IL15: variants seen among roughly 807,000 people sequenced by gnomAD.
The protein encoded by IL15 is interleukin-15.
In IL15, 11 loss-of-function variants were observed where a neutral mutation model predicts 19.6. That is an observed-to-expected ratio of 0.56 (90% CI 0.35 to 0.93). The LOEUF (loss-of-function observed/expected upper bound fraction) is 0.93. IL15 is among the 40% of genes least tolerant of loss of function. The probability of loss-of-function intolerance (pLI) is 0.01; values close to 1 mark genes in which losing one functional copy is unlikely to be tolerated. For synonymous variants in IL15, 58 were observed against 59.6 expected (o/e 0.97, Z 0.12); for missense variants, 197 against 186.5 (o/e 1.06, Z -0.33).
At chr4:141,702,772 G>A (rs1206996779) in intron 2 of IL15, among the ~76,000 whole-genome samples, 2 of 152,188 alleles carry the variant, frequency 1.3e-5, no homozygotes, top group Non-Finnish European at 2.9e-5. Context: ...GTTGCCCAGG[G>A]GAATTATTCT....
intron 2 of IL15, among the ~76,000 whole-genome samples, chr4:141,674,384 C>T (rs79887045): frequency 0.024 from 3,669 of 152,048 alleles, 153 homozygotes; most frequent in African/African-American, 0.083. Flanking sequence ...AGAAGTAATA[C>T]CCTAACAATT....
chr4:141,708,770 C>A (rs550421822), intron 2 of IL15, among the ~76,000 whole-genome samples: 2 of 152,242 alleles, frequency 1.3e-5, no homozygotes, highest in South Asian at 2.1e-4. Flanking sequence ...CTTCCTCAGT[C>A]ACTCCAGTCA....
chr4:141,698,722 T>A (rs1729183693), intron 2 of IL15, among the ~76,000 whole-genome samples: 1 of 152,166 alleles, frequency 6.6e-6, no homozygotes, highest in Non-Finnish European at 1.5e-5. Context: ...TTGAATCGTC[T>A]CTCTTCTTGG....
intron 2 of IL15, among the ~76,000 whole-genome samples, chr4:141,672,488 G>A (rs1579006997): frequency 1.3e-5 from 2 of 152,074 alleles, no homozygotes; most frequent in Admixed American, 6.6e-5. Flanking sequence ...ACACCGCACC[G>A]CAAAGTATTA....
intron 2 of IL15, among the ~76,000 whole-genome samples, chr4:141,658,113 T>TC: frequency 6.6e-6 from 1 of 151,982 alleles, no homozygotes; most frequent in South Asian, 2.1e-4. Context: ...GGGGCAAACT[T>TC]CCCCCTTGCT....
chr4:141,671,166 G>A (rs1322665688), intron 2 of IL15, among the ~76,000 whole-genome samples: 3 of 152,084 alleles, frequency 2.0e-5, no homozygotes, highest in African/African-American at 7.2e-5. Context: ...ACGTAAAGAA[G>A]CTCATAGACT....
intron 2 of IL15, among the ~76,000 whole-genome samples, chr4:141,709,096 A>T (rs558316084): frequency 7.4e-4 from 110 of 148,204 alleles, no homozygotes; most frequent in Admixed American, 2.0e-4. Context: ...ATATTGAAAA[A>T]TTTCAATATT....
chr4:141,691,436 C>A (rs1728907551), intron 2 of IL15, among the ~76,000 whole-genome samples: 1 of 152,162 alleles, frequency 6.6e-6, no homozygotes, highest in Non-Finnish European at 1.5e-5. Context: ...CTGGAATTAA[C>A]CCAAAAGTCC....
chr4:141,673,768 G>C (rs1227311367), intron 2 of IL15, among the ~76,000 whole-genome samples: 6 of 152,146 alleles, frequency 3.9e-5, no homozygotes, highest in Non-Finnish European at 8.8e-5. Flanking sequence ...TCTGACAGCA[G>C]TAGCATAGAT....
At position 141,690,023 on chromosome 4, in the gene IL15, C is replaced by T. The variant is rs1192827593; in HGVS notation, c.-99-29343C>T. Among the ~76,000 whole-genome samples the T allele has an allele frequency of 3.3e-5, 5 of 152,324 alleles. No individual in the cohort carries two copies. In the South Asian group the frequency reaches 6.2e-4, roughly 19 times the overall value. On this transcript the variant is annotated intron_variant, in intron 2 of 7. Coordinates refer to ENST00000320650, the MANE Select transcript of IL15 (RefSeq NM_000585.5). Reference sequence around the variant, plus strand: ...GCCCTGCAGGAAGGCAGCTAAGGCCCGGCGAGAAATCGAGCACAGCGCTGG... The same window carrying T: ...GCCCTGCAGGAAGGCAGCTAAGGCCTGGCGAGAAATCGAGCACAGCGCTGG...
intron 2 of IL15, among the ~76,000 whole-genome samples, chr4:141,664,331 T>C (rs1727891918): frequency 7.3e-6 from 1 of 137,792 alleles, no homozygotes; most frequent in Non-Finnish European, 1.6e-5. Context: ...AAAAAATTCT[T>C]TGGTGGGCAA....
intron 2 of IL15, among the ~76,000 whole-genome samples, chr4:141,710,551 A>ATAT (rs1729683749): frequency 6.6e-6 from 1 of 152,156 alleles, no homozygotes; most frequent in African/African-American, 2.4e-5. Flanking sequence ...ATCTCTTAGT[A>ATAT]AGGAAATATA....
chr4:141,726,794 G>A (rs1049781477), intron 5 of IL15, among the ~76,000 whole-genome samples: 2 of 152,088 alleles, frequency 1.3e-5, no homozygotes, highest in Non-Finnish European at 2.9e-5. Context: ...TGGATCTCCA[G>A]GGTATTATGA....
intron 2 of IL15, among the ~76,000 whole-genome samples, chr4:141,686,450 G>A (rs1213960917): frequency 6.6e-6 from 1 of 152,172 alleles, no homozygotes; most frequent in African/African-American, 2.4e-5. Flanking sequence ...TAAAGAGCAT[G>A]AGCCCAGAAG....
rs921435170 is a variant in IL15, at chr4:141,641,842, T to TA, written c.-222+5106dup. 5.3e-3 allele frequency among the ~76,000 whole-genome samples: 748 copies of TA among 142,014 alleles called. 10 individuals are homozygous for TA. The highest frequency in any genetic ancestry group is 0.017 in the African/African-American group (670 of 38,964). 93.2% of individuals were successfully genotyped at this position (142,014 alleles called of 152,430 possible). Reference sequence around the variant, plus strand: ...GTACCCTAGAACTTAAAGTATAATTTAAAAAAAAAAAAGCCGCAATGTGGT... The same window carrying TA: ...GTACCCTAGAACTTAAAGTATAATTTAAAAAAAAAAAAAGCCGCAATGTGGT... On this transcript the variant is annotated intron_variant, in intron 1 of 7. Coordinates refer to ENST00000320650, the MANE Select transcript of IL15 (RefSeq NM_000585.5).
intron 2 of IL15, chr4:141,716,826 T>C (rs1439806118): frequency 6.6e-6 from 1 of 152,290 alleles, no homozygotes; most frequent in Non-Finnish European, 1.5e-5. Flanking sequence ...GTGCCCAGGA[T>C]GCAGAATATG....
At chr4:141,646,923 G>A (rs1203453492) in intron 1 of IL15, among the ~76,000 whole-genome samples, 1 of 152,000 alleles carries the variant, frequency 6.6e-6, no homozygotes, top group Non-Finnish European at 1.5e-5. Context: ...GCATATGGTA[G>A]TCTCTCAACA....
intron 2 of IL15, among the ~76,000 whole-genome samples, chr4:141,697,242 C>T (rs910035834): frequency 2.6e-5 from 4 of 152,050 alleles, no homozygotes; most frequent in Non-Finnish European, 5.9e-5. Flanking sequence ...TGTCAGTTTT[C>T]CCAGCACTAT....
intron 2 of IL15, among the ~76,000 whole-genome samples, chr4:141,657,897 C>T (rs1456779498): frequency 6.6e-6 from 1 of 152,044 alleles, no homozygotes; most frequent in African/African-American, 2.4e-5. Context: ...ATACATAAAC[C>T]AGCAACATAG....
Sources: gnomAD v4.1 joint callset for allele counts (sites outside exome capture counted in the v4.1 genomes callset) on GRCh38, gnomAD v4.1.1 for gene constraint, MANE v1.5 for transcripts, NCBI Gene and HGNC (gene_info 2026-07-23, HGNC 2026-07-21) for gene names.